KIRREL3: variants seen among roughly 807,000 people sequenced by gnomAD.
KIRREL3 encodes kirre like nephrin family adhesion molecule 3.
A neutral mutation model predicts 89.7 loss-of-function variants in KIRREL3; 36 were observed. That is an observed-to-expected ratio of 0.40 (90% CI 0.31 to 0.53). KIRREL3 has a LOEUF of 0.53. Ranked by LOEUF, KIRREL3 falls within the 20% of genes least tolerant of loss-of-function variation. The pLI, the probability that KIRREL3 is intolerant of heterozygous loss-of-function variation, is 0.49. For missense variants in KIRREL3, 864 were observed against 1,056.6 expected, an observed-to-expected ratio of 0.82 and a Z score of 2.53; for synonymous variants, 445 against 441.4, an observed-to-expected ratio of 1.01 and a Z score of -0.10.
At chr11:126,649,360 A>G (rs1944820064) in intron 1 of KIRREL3, among the ~76,000 whole-genome samples, 1 of 152,170 alleles carries the variant, frequency 6.6e-6, no homozygotes, top group South Asian at 2.1e-4. Flanking sequence ...CCATTAACCC[A>G]AAAGTCCACA....
intron 1 of KIRREL3, among the ~76,000 whole-genome samples, chr11:126,572,249 C>T (rs1212690363): frequency 6.6e-6 from 1 of 152,218 alleles, no homozygotes; most frequent in Non-Finnish European, 1.5e-5. Flanking sequence ...TTCCCTTCCC[C>T]AGCCCCTACA....
rs538090401 is a variant in KIRREL3, at chr11:126,476,843, C to G, written c.434-3377G>C. On this transcript the variant is annotated intron_variant, in intron 4 of 16. Transcript: ENST00000525144. The surrounding 1 kb of genome is among the most constrained non-coding windows in gnomAD (Gnocchi z 6.4). ...CGAGGGGAGGAAGTTTCAGAGTGGT[C>G]CCCGCTTGGAGATGTATTATTCATC... Among the ~76,000 whole-genome samples, 2 of 152,206 alleles carry G rather than the reference C, an allele frequency of 1.3e-5. No homozygotes were observed.
intron 1 of KIRREL3, among the ~76,000 whole-genome samples, chr11:126,873,036 C>T (rs1258695636): frequency 1.3e-5 from 2 of 152,316 alleles, no homozygotes; most frequent in African/African-American, 2.4e-5. Flanking sequence ...GAATCCATAA[C>T]AGATACATCT....
In KIRREL3 at chr11:126,686,222, C is replaced by T. The variant is rs1041209523; in HGVS notation, c.56-123310G>A. Reference sequence around the variant, plus strand: ...CCTGCAGGGGCTTTCTCACGTGTGGCGCGGGTGTGGAGGCAGGTCTCCATG... The same window carrying T: ...CCTGCAGGGGCTTTCTCACGTGTGGTGCGGGTGTGGAGGCAGGTCTCCATG... On this transcript the variant is annotated intron_variant, in intron 1 of 16. Coordinates refer to ENST00000525144, the MANE Select transcript of KIRREL3 (RefSeq NM_032531.4). This position sits in a 1 kb window ranked among gnomAD's most constrained non-coding sequence, Gnocchi z 4.7. 1.3e-5 allele frequency among the ~76,000 whole-genome samples: 2 copies of T among 152,304 alleles called. No homozygotes were observed. Among genetic ancestry groups the T allele is most frequent in the South Asian group, 2.1e-4 (1 of 4,826 alleles).
chr11:126,820,239 A>G (rs1943159603), intron 1 of KIRREL3, among the ~76,000 whole-genome samples: 1 of 152,172 alleles, frequency 6.6e-6, no homozygotes, highest in Non-Finnish European at 1.5e-5. Context: ...GCTGAGTTTC[A>G]GGGTTAACCC....
In KIRREL3 at chr11:126,435,277, GC is replaced by G; in HGVS notation, c.1578del (p.Leu527TrpfsTer16). 6.2e-7 allele frequency: 1 copy of G among 1,613,654 alleles called. No individual in the cohort carries two copies. The highest frequency in any genetic ancestry group is 8.5e-7 in the Non-Finnish European group (1 of 1,179,754). On this transcript the variant is annotated frameshift_variant, in exon 13 of 17. Transcript: ENST00000525144. LOFTEE classifies it high-confidence loss of function. ...TCATCTCCTTCCGTACCTGCTTCCAGCCCGGCTCCCGACTTCATTTCCGAAC... is the reference window on the plus strand; with the variant it reads ...TCATCTCCTTCCGTACCTGCTTCCAGCCGGCTCCCGACTTCATTTCCGAAC... ...EQGSEMKSGA[G>X]LEAESVPMAV...
At chr11:126,938,546 T>C (rs1367795377) in intron 1 of KIRREL3, among the ~76,000 whole-genome samples, 3 of 152,148 alleles carry the variant, frequency 2.0e-5, no homozygotes, top group Non-Finnish European at 4.4e-5. Context: ...GAATAAAACA[T>C]ACTTCCTAGG....
rs1295811936 is a variant in KIRREL3 at position 126,444,964 on chromosome 11, C to A, written c.1252+15G>T. Reference sequence around the variant, plus strand: ...TCCCTCCCTCAGGCCTGGCTCACCCCAGCGAGGGTCTTACCATTGACGGTC... The same window carrying A: ...TCCCTCCCTCAGGCCTGGCTCACCCAAGCGAGGGTCTTACCATTGACGGTC... On this transcript the variant is annotated intron_variant, in intron 10 of 16. Transcript: ENST00000525144. 1 of 1,613,452 alleles carries A rather than the reference C, an allele frequency of 6.2e-7. No individual in the cohort carries two copies. The highest frequency in any genetic ancestry group is 1.3e-5 in the African/African-American group (1 of 74,924).
In KIRREL3 at chr11:126,563,052, G is replaced by A. The variant is rs1378831226; in HGVS notation, c.56-140C>T. The A allele has an allele frequency of 5.5e-6, 3 of 549,732 alleles. No individual in the cohort carries two copies. Among genetic ancestry groups the A allele is most frequent in the East Asian group, 5.9e-5 (2 of 33,802 alleles). The allele number at this position is 549,732 out of a possible 1,614,324, so 34.1% of individuals were successfully genotyped here. Reference sequence around the variant, plus strand: ...TTTAGCCAACATTTATATGGAAATTGTTATGTTCCAGGCATAAGTTTAAGC... The same window carrying A: ...TTTAGCCAACATTTATATGGAAATTATTATGTTCCAGGCATAAGTTTAAGC... On this transcript the variant is annotated intron_variant, in intron 1 of 16. Coordinates refer to ENST00000525144, the MANE Select transcript of KIRREL3 (RefSeq NM_032531.4). The surrounding 1 kb of genome is among the most constrained non-coding windows in gnomAD (Gnocchi z 6.8).
chr11:126,945,885 T>C (rs1283108024), intron 1 of KIRREL3, among the ~76,000 whole-genome samples: 1 of 152,226 alleles, frequency 6.6e-6, no homozygotes, highest in East Asian at 1.9e-4. Context: ...ACTTGAGGCC[T>C]ATTAAGGTCC....
Position 126,610,247 on chromosome 11 carries a change from C to T in KIRREL3, c.56-47335G>A, listed in dbSNP as rs997370550. 1.1e-4 allele frequency among the ~76,000 whole-genome samples: 17 copies of T among 152,172 alleles called. No homozygotes were observed. Among genetic ancestry groups the T allele is most frequent in the African/African-American group, 3.4e-4 (14 of 41,518 alleles). Reference sequence around the variant, plus strand: ...CTGGGATTACAGGCATGCACCACCACGCCTGGCTAATTTTTGTATTTTTAA... The same window carrying T: ...CTGGGATTACAGGCATGCACCACCATGCCTGGCTAATTTTTGTATTTTTAA... On this transcript the variant is annotated intron_variant, in intron 1 of 16. Transcript: ENST00000525144. The surrounding 1 kb of genome is among the most constrained non-coding windows in gnomAD (Gnocchi z 4.6).
Position 126,686,505 on chromosome 11 carries a change from G to A in KIRREL3, c.56-123593C>T, listed in dbSNP as rs1441356686. On this transcript the variant is annotated intron_variant, in intron 1 of 16. Transcript: ENST00000525144. The surrounding 1 kb of genome is among the most constrained non-coding windows in gnomAD (Gnocchi z 4.7). Reference sequence around the variant, plus strand: ...GAATGTTCTGATAGGGTCAGTGCTGGCCACTGAGCGGGGAGGGTGGGGAGG... The same window carrying A: ...GAATGTTCTGATAGGGTCAGTGCTGACCACTGAGCGGGGAGGGTGGGGAGG... Among the ~76,000 whole-genome samples, 1 of 151,738 alleles carries A rather than the reference G, an allele frequency of 6.6e-6. No homozygotes were observed. The highest frequency in any genetic ancestry group is 1.5e-5 in the Non-Finnish European group (1 of 67,954).
chr11:126,700,021 C>T (rs1947250389), intron 1 of KIRREL3, among the ~76,000 whole-genome samples: 3 of 151,920 alleles, frequency 2.0e-5, no homozygotes, highest in Admixed American at 1.3e-4. Context: ...AAGTGAGACC[C>T]CATCTTTACA....
At chr11:126,738,064 T>C (rs997744717) in intron 1 of KIRREL3, among the ~76,000 whole-genome samples, 1 of 152,102 alleles carries the variant, frequency 6.6e-6, no homozygotes, top group Non-Finnish European at 1.5e-5. Context: ...ATCATTCTCC[T>C]TAGTGAGGGC....
chr11:126,511,431 G>T (rs552445295), intron 4 of KIRREL3, among the ~76,000 whole-genome samples: 1 of 152,112 alleles, frequency 6.6e-6, no homozygotes, highest in Non-Finnish European at 1.5e-5. Context: ...CTACAACACA[G>T]GTCCCCTCAC....
intron 1 of KIRREL3, among the ~76,000 whole-genome samples, chr11:126,941,146 T>A (rs939275182): frequency 2.6e-5 from 4 of 152,202 alleles, no homozygotes; most frequent in Non-Finnish European, 4.4e-5. Context: ...GAAAATTTCA[T>A]CTGCATAAAA....
At chr11:126,699,251 C>G (rs1352703531) in intron 1 of KIRREL3, among the ~76,000 whole-genome samples, 2 of 152,208 alleles carry the variant, frequency 1.3e-5, no homozygotes, top group Non-Finnish European at 2.9e-5. Context: ...GCCCCTCCAT[C>G]CAGCTTGTCC....
chr11:126,479,371 G>A (rs955753307), intron 4 of KIRREL3, among the ~76,000 whole-genome samples: 1 of 152,176 alleles, frequency 6.6e-6, no homozygotes, highest in Non-Finnish European at 1.5e-5. Flanking sequence ...CTGAGGCTAT[G>A]ATAGCTGAGT....
chr11:126,429,284 G>C lies in KIRREL3; in HGVS notation c.1701C>G (p.Leu567=), dbSNP rs1955044911. 1 of 1,603,618 alleles carries C rather than the reference G, an allele frequency of 6.2e-7. No individual in the cohort carries two copies. ...CATTTTTGGCTGACACAACACCTTT[G>C]AGATCTGGAGATAAAATAGTAAAGT... ...AFCCARSQRN[L]KGVVSAKNDI... is the part of the protein sequence containing the mutation. The change falls in exon 15 of 17, where the codon CTC becomes CTG. Residue 567 remains leucine (L), a synonymous_variant. Coordinates refer to ENST00000525144, the MANE Select transcript of KIRREL3 (RefSeq NM_032531.4). This position sits in a 1 kb window ranked among gnomAD's most constrained non-coding sequence, Gnocchi z 5.2.
Sources: gnomAD v4.1 joint callset for allele counts (sites outside exome capture counted in the v4.1 genomes callset) on GRCh38, gnomAD v4.1.1 for gene constraint, Gnocchi (gnomAD v3.1) non-coding constraint, MANE v1.5 for transcripts, NCBI Gene and HGNC (gene_info 2026-07-23, HGNC 2026-07-21) for gene names.